The following SCN10A variants were observed in gnomAD, a reference collection of about 807,000 sequenced individuals.
SCN10A encodes the protein sodium voltage-gated channel alpha subunit 10, also known as sodium channel protein type 10 subunit alpha.
Under a neutral mutation model 170.7 loss-of-function variants are expected in SCN10A, and 162 were observed. That is an observed-to-expected ratio of 0.95 (90% CI 0.84 to 1.08). SCN10A has a LOEUF of 1.08. SCN10A is among the 50% of genes least tolerant of loss of function. The probability of loss-of-function intolerance (pLI) is 0.00; values close to 1 mark genes in which losing one functional copy is unlikely to be tolerated. For missense variants in SCN10A, 2,527 were observed against 2,436.9 expected (o/e 1.04, Z -0.78); for synonymous variants, 985 against 904.6 (o/e 1.09, Z -1.59).
chr3:38,767,386 T>G (rs371155753), intron 5 of SCN10A, among the ~76,000 whole-genome samples: 20 of 152,060 alleles, frequency 1.3e-4, no homozygotes, highest in African/African-American at 4.6e-4. Context: ...TGCTATGAGC[T>G]TTCCTCTTAG....
chr3:38,739,576 C>T lies in SCN10A; in HGVS notation c.2219G>A (p.Ser740Asn). Reference protein sequence around the residue: ...NIFDCIIVTVSLLELGVAKKG... With the variant: ...NIFDCIIVTVNLLELGVAKKG... ...CTTGGCCACGCCCAGCTCTAGCAGA[C>T]TCACAGTGACGATGATGCAGTCAAA... is the stretch of plus-strand genomic sequence containing the variant. The change falls in exon 15 of 28, where the codon AGT becomes AAT. Residue 740 changes from serine to asparagine, a missense_variant. Physicochemically the swap from Ser to Asn is conservative, Grantham distance 46 (BLOSUM62 1). Coordinates refer to ENST00000449082, the MANE Select transcript of SCN10A (RefSeq NM_006514.4). 6.2e-7 allele frequency: 1 copy of T among 1,614,198 alleles called. No homozygotes were observed. The highest frequency in any genetic ancestry group is 8.5e-7 in the Non-Finnish European group (1 of 1,180,016).
intron 13 of SCN10A, among the ~76,000 whole-genome samples, chr3:38,747,533 T>C (rs991843942): frequency 1.3e-5 from 2 of 152,218 alleles, no homozygotes; most frequent in African/African-American, 4.8e-5. Context: ...CTCACTACTT[T>C]ACAGGCTAAA....
At position 38,793,998 on chromosome 3, in the gene SCN10A, TG is replaced by T. The variant is rs1559469473; in HGVS notation, c.12del (p.Ile5LeufsTer20). On this transcript the variant is annotated frameshift_variant, in exon 2 of 28. Transcript: ENST00000449082. LOFTEE classifies it high-confidence loss of function. Reference protein sequence around the residue: MEFPIGSLETNNFR... With the variant: MEFXIGSLETNNFR... ...AAGTTGTTAGTTTCGAGGGATCCAATGGGGAATTCCATCTTCTCATTCTTCT... is the reference window on the plus strand; with the variant it reads ...AAGTTGTTAGTTTCGAGGGATCCAATGGGAATTCCATCTTCTCATTCTTCT... 6.2e-7 allele frequency: 1 copy of T among 1,613,782 alleles called. No homozygotes were observed. The highest frequency in any genetic ancestry group is 8.5e-7 in the Non-Finnish European group (1 of 1,179,768).
chr3:38,762,787 T>C (rs1401193085), intron 6 of SCN10A, among the ~76,000 whole-genome samples: 1 of 152,184 alleles, frequency 6.6e-6, no homozygotes, highest in African/African-American at 2.4e-5. Context: ...AGACTTCCAC[T>C]CTAGAATGGG....
rs2063116284 is a variant in SCN10A at position 38,698,165 on chromosome 3, G to A, written c.5055C>T (p.Ser1685=). 1 of 1,614,052 alleles carries A rather than the reference G, an allele frequency of 6.2e-7. No individual in the cohort carries two copies. Among genetic ancestry groups the A allele is most frequent in the South Asian group, 1.1e-5 (1 of 91,076 alleles). The change falls in exon 28 of 28, where the codon AGC becomes AGT. Residue 1685 remains serine, a synonymous_variant. Transcript: ENST00000449082. ...TCCCACAGTCCCCTCTGGTGCCATTGCTGTTGGGCAGATTGGGGTCACAGT... is the reference window on the plus strand; with the variant it reads ...TCCCACAGTCCCCTCTGGTGCCATTACTGTTGGGCAGATTGGGGTCACAGT... The part of the protein sequence containing the change: ...PPYCDPNLPN[S]NGTRGDCGSP...
chr3:38,749,991 C>A, intron 13 of SCN10A, 82 bp downstream of exon 13: 1 of 722,888 alleles, frequency 1.4e-6, no homozygotes, highest in South Asian at 2.0e-5. Context: ...CGCTTTGACA[C>A]GAGTTAGAGA....
chr3:38,719,352 T>C (rs189676945), intron 20 of SCN10A, among the ~76,000 whole-genome samples: 1 of 134,972 alleles, frequency 7.4e-6, no homozygotes, highest in Non-Finnish European at 1.6e-5. Flanking sequence ...GCTGTGGCTG[T>C]GGGGGGCTGC....
chr3:38,746,213 A>G (rs1043191121), intron 13 of SCN10A, among the ~76,000 whole-genome samples: 1 of 149,958 alleles, frequency 6.7e-6, no homozygotes, highest in Admixed American at 6.6e-5. Context: ...CCCAGACTCA[A>G]CTCATAATCT....
intron 5 of SCN10A, among the ~76,000 whole-genome samples, chr3:38,768,322 G>A (rs1394164533): frequency 6.6e-6 from 1 of 151,712 alleles, no homozygotes; most frequent in African/African-American, 2.4e-5. Flanking sequence ...TTGTGTTATT[G>A]TTTTATAGGT....
chr3:38,737,832 C>CTTTCTTTCTTTCTT (rs373851282), intron 15 of SCN10A, among the ~76,000 whole-genome samples: 3,030 of 70,138 alleles, frequency 0.043, 104 homozygotes, highest in African/African-American at 0.074. Context: ...TTCTTTCTTT[C>CTTTCTTTCTTTCTT]TCTTTCTTCT....
At chr3:38,814,242 G>A (rs2064457865) in intron 1 of SCN10A, among the ~76,000 whole-genome samples, 1 of 152,184 alleles carries the variant, frequency 6.6e-6, no homozygotes, top group African/African-American at 2.4e-5. Flanking sequence ...CAAACTGAAT[G>A]AGAAAGAATA....
chr3:38,740,254 T>A (rs970353129), intron 14 of SCN10A, among the ~76,000 whole-genome samples: 3 of 152,240 alleles, frequency 2.0e-5, no homozygotes, highest in African/African-American at 7.2e-5. Context: ...AAGATTCTTT[T>A]AGGCTCTGTG....
In SCN10A at chr3:38,697,531, A is replaced by G; in HGVS notation, c.5689T>C (p.Phe1897Leu). The G allele has an allele frequency of 6.2e-7, 1 of 1,614,198 alleles. No homozygotes were observed. The highest frequency in any genetic ancestry group is 8.5e-7 in the Non-Finnish European group (1 of 1,180,044). ...ASLPDEGFVA[F>L]TANENCVLPD... ...AGTACACAATTTTCATTTGCTGTGA[A>G]TGCAACAAAACCTTCATCTGGGAGT... Residue 1897 changes from phenylalanine (F) to leucine (L), a missense_variant, in exon 28 of 28, where the codon TTC (phenylalanine) becomes CTC (leucine). By Grantham distance (22) the Phe-to-Leu change is conservative (BLOSUM62 0). Transcript: ENST00000449082.
chr3:38,777,177 G>A (rs1475181049), intron 4 of SCN10A, among the ~76,000 whole-genome samples: 2 of 151,700 alleles, frequency 1.3e-5, no homozygotes, highest in Non-Finnish European at 2.9e-5. Context: ...CAATAAGACA[G>A]GAAAAATAAA....
At chr3:38,738,692 T>C (rs1402367696) in intron 15 of SCN10A, among the ~76,000 whole-genome samples, 4 of 152,184 alleles carry the variant, frequency 2.6e-5, no homozygotes, top group Admixed American at 1.3e-4. Flanking sequence ...TTCAGGCCTC[T>C]TTCCTATTCC....
At position 38,725,224 on chromosome 3, in the gene SCN10A, A is replaced by C. The variant is rs750655728; in HGVS notation, c.3178T>G (p.Ser1060Ala). The part of the protein sequence containing the change: ...TGTSSEDLAP[S>A]LGETWKDESV... ...TCATCTTTCCACGTCTCACCCAGGG[A>C]TGGAGCCAGGTCCTCAGAAGATGTT... Residue 1060 changes from serine to alanine, a missense_variant, in exon 18 of 28, where the codon TCC (serine) becomes GCC (alanine). Transcript: ENST00000449082. The C allele has an allele frequency of 4.5e-5, 72 of 1,606,568 alleles. No individual in the cohort carries two copies. Among genetic ancestry groups the C allele is most frequent in the Non-Finnish European group, 5.0e-5 (59 of 1,174,698 alleles).
At chr3:38,709,781 G>A (rs1481043541) in intron 24 of SCN10A, among the ~76,000 whole-genome samples, 166 bp from the exon 25 acceptor site, 1 of 152,206 alleles carries the variant, frequency 6.6e-6, no homozygotes, top group Non-Finnish European at 1.5e-5. Context: ...AATGGGAGAA[G>A]AGCCTGTGAA....
At chr3:38,777,999 T>TA (rs1339489810) in intron 4 of SCN10A, among the ~76,000 whole-genome samples, 1 of 152,012 alleles carries the variant, frequency 6.6e-6, no homozygotes, top group Non-Finnish European at 1.5e-5. Flanking sequence ...TATATGGCAA[T>TA]AAAAAATGAA....
At chr3:38,795,286 T>C (rs1184622897) in intron 1 of SCN10A, among the ~76,000 whole-genome samples, 1 of 151,884 alleles carries the variant, frequency 6.6e-6, no homozygotes, top group African/African-American at 2.4e-5. Context: ...GATTGCCTTG[T>C]GGCTAAAGTC....
Sources: gnomAD v4.1 joint callset for allele counts (sites outside exome capture counted in the v4.1 genomes callset) on GRCh38, gnomAD v4.1.1 for gene constraint, MANE v1.5 for transcripts, NCBI Gene and HGNC (gene_info 2026-07-23, HGNC 2026-07-21) for gene names.